N4BP3: variants seen among roughly 807,000 people sequenced by gnomAD.
The protein encoded by N4BP3 is NEDD4 binding protein 3.
A neutral mutation model predicts 43.8 loss-of-function variants in N4BP3; 33 were observed. The ratio of observed to expected loss-of-function variants is 0.75; its 90% confidence interval spans 0.57 to 1.01. The LOEUF (loss-of-function observed/expected upper bound fraction) is 1.01. Ranked by LOEUF, N4BP3 falls within the 50% of genes least tolerant of loss-of-function variation. The probability of loss-of-function intolerance (pLI) is 0.00; values close to 1 mark genes in which losing one functional copy is unlikely to be tolerated. For missense variants in N4BP3, 756 were observed against 744.2 expected (o/e 1.02, Z -0.18); for synonymous variants, 326 against 321.9 (o/e 1.01, Z -0.14).
chr5:178,121,237 G>C lies in N4BP3; in HGVS notation c.992G>C (p.Arg331Pro). The change falls in exon 4 of 5, where the codon CGG (arginine) becomes CCG (proline). Residue 331 changes from arginine to proline, a missense_variant. Physicochemically the swap from Arg to Pro is moderately radical, Grantham distance 103. Transcript: ENST00000274605. ...CTGTTTATGGCTCAGCAGGAGCAGC[G>C]GCGCCTGCGCAAGGAGCTGCGGGCT... Reference protein sequence around the residue: ...LQLFMAQQEQRRLRKELRAQQ... With the variant: ...LQLFMAQQEQPRLRKELRAQQ... 2 of 1,604,056 alleles carry C rather than the reference G, an allele frequency of 1.2e-6. No homozygotes were observed. Among genetic ancestry groups the C allele is most frequent in the Middle Eastern group, 1.7e-4 (1 of 5,840 alleles).
intron 1 of N4BP3, among the ~76,000 whole-genome samples, chr5:178,117,923 C>T (rs946686065): frequency 3.9e-5 from 6 of 152,114 alleles, no homozygotes; most frequent in South Asian, 2.1e-4. Flanking sequence ...TCCACAAACA[C>T]AAAACCTGGA....
chr5:178,126,425 G>A (rs907446926), downstream of N4BP3, among the ~76,000 whole-genome samples: 5 of 151,942 alleles, frequency 3.3e-5, no homozygotes, highest in African/African-American at 1.2e-4. Flanking sequence ...TGATCCACCC[G>A]CCTCAGCCTC....
rs1204974179 is a variant in N4BP3, at chr5:178,124,295, G to C, written c.*2294G>C. ...CTTGGCAGCTGTGCCAGAAACCAAA[G>C]CCAGGCCCAGATGTAGGGGGAGGGC... On this transcript the variant is annotated 3_prime_UTR_variant, in exon 5 of 5. Coordinates refer to ENST00000274605, the MANE Select transcript of N4BP3 (RefSeq NM_015111.2). 2.0e-5 allele frequency: 3 copies of C among 152,870 alleles called. No homozygotes were observed. Among genetic ancestry groups the C allele is most frequent in the Non-Finnish European group, 4.4e-5 (3 of 68,236 alleles). The allele number at this position is 152,870 out of a possible 1,614,324, so 9.5% of individuals were successfully genotyped here. A position where few individuals can be genotyped will look rare whatever the true frequency, so the allele number is the denominator to read the frequency against.
At position 178,124,383 on chromosome 5, in the gene N4BP3, G is replaced by A. The variant is rs1403255787; in HGVS notation, c.*2382G>A. On this transcript the variant is annotated 3_prime_UTR_variant, in exon 5 of 5. Transcript: ENST00000274605. ...GGATCCCCGTCAGCTCATCCAGGCT[G>A]GACAAACCAGTTCCTGGGTCCCCCA... 2 of 152,652 alleles carry A rather than the reference G, an allele frequency of 1.3e-5. No individual in the cohort carries two copies. Among genetic ancestry groups the A allele is most frequent in the African/African-American group, 2.4e-5 (1 of 41,448 alleles). The allele number at this position is 152,652 out of a possible 1,614,324, so 9.5% of individuals were successfully genotyped here.
intron 1 of N4BP3, among the ~76,000 whole-genome samples, chr5:178,117,910 T>A (rs1757810159): frequency 6.6e-6 from 1 of 152,096 alleles, no homozygotes; most frequent in Admixed American, 6.6e-5. Flanking sequence ...GAGAGCTTTG[T>A]CTTCCACAAA....
intron 1 of N4BP3, among the ~76,000 whole-genome samples, chr5:178,114,139 GC>G: frequency 6.6e-6 from 1 of 152,136 alleles, no homozygotes; most frequent in Non-Finnish European, 1.5e-5. Flanking sequence ...CTCGGCCTCC[GC>G]CCCCCGGCCC....
In N4BP3 at chr5:178,120,460, C is replaced by T. The variant is rs755478176; in HGVS notation, c.613C>T (p.Pro205Ser). The part of the protein sequence containing the change: ...GSFGRSPGTG[P>S]SPFSSSLGHL... ...TTTTGGTCGCAGTCCTGGTACTGGC[C>T]CTAGCCCCTTCAGCTCCTCCCTTGG... The change falls in exon 3 of 5, where the codon CCT becomes TCT. Residue 205 changes from proline to serine, a missense_variant. By Grantham distance (74) the Pro-to-Ser change is moderately conservative (BLOSUM62 -1). Coordinates refer to ENST00000274605, the MANE Select transcript of N4BP3 (RefSeq NM_015111.2). The T allele has an allele frequency of 3.7e-6, 6 of 1,612,972 alleles. No individual in the cohort carries two copies. The African/African-American group carries it at 4.0e-5, about 11-fold the overall frequency.
rs562973623 is a variant in N4BP3, at chr5:178,124,432, A to G, written c.*2431A>G. 1.0e-4 allele frequency: 16 copies of G among 152,460 alleles called. No homozygotes were observed. The highest frequency in any genetic ancestry group is 3.8e-4 in the African/African-American group (16 of 41,564). 9.4% of individuals were successfully genotyped at this position (152,460 alleles called of 1,614,324 possible). A position where few individuals can be genotyped will look rare whatever the true frequency, so the allele number is the denominator to read the frequency against. On this transcript the variant is annotated 3_prime_UTR_variant, in exon 5 of 5. Coordinates refer to ENST00000274605, the MANE Select transcript of N4BP3 (RefSeq NM_015111.2). ...CAGCCGGCTGGGTGGCTCTGGGGCC[A>G]ACCGACCACAGGTGTCACTGATCAC...
chr5:178,126,812 T>C (rs1391739622), downstream of N4BP3, among the ~76,000 whole-genome samples: 1 of 152,192 alleles, frequency 6.6e-6, no homozygotes, highest in Non-Finnish European at 1.5e-5. Context: ...CTGGGCTGCT[T>C]GAGAGGTTTT....
At chr5:178,116,731 G>T (rs1757781401) in intron 1 of N4BP3, among the ~76,000 whole-genome samples, 1 of 152,172 alleles carries the variant, frequency 6.6e-6, no homozygotes, top group Non-Finnish European at 1.5e-5. Flanking sequence ...CCCTGGACCT[G>T]CGATGCCTCG....
chr5:178,116,685 G>A (rs1360140002), intron 1 of N4BP3, among the ~76,000 whole-genome samples: 2 of 152,202 alleles, frequency 1.3e-5, no homozygotes. Context: ...TGTATGCGCT[G>A]TTGCGGCCGG....
intron 1 of N4BP3, among the ~76,000 whole-genome samples, chr5:178,117,878 G>A (rs976427524): frequency 6.6e-6 from 1 of 152,092 alleles, no homozygotes; most frequent in African/African-American, 2.4e-5. Flanking sequence ...AGGCTGTGGG[G>A]TTGGGGCAGG....
At position 178,121,789 on chromosome 5, in the gene N4BP3, G is replaced by A. The variant is rs1463538405; in HGVS notation, c.1423G>A (p.Glu475Lys). ...AEQLRAELLQ[E>K]RLRGQEQALR... is the part of the protein sequence containing the mutation. ...GCAGCTGCGGGCTGAGCTGCTGCAG[G>A]AGCGACTTCGGGGCCAGGAGCAGGC... The change falls in exon 5 of 5, where the codon GAG (glutamate) becomes AAG (lysine). Residue 475 changes from glutamate (E) to lysine (K), a missense_variant. Physicochemically the swap from Glu to Lys is moderately conservative, Grantham distance 56. Coordinates refer to ENST00000274605, the MANE Select transcript of N4BP3 (RefSeq NM_015111.2). The A allele has an allele frequency of 3.7e-6, 6 of 1,608,650 alleles. No homozygotes were observed. Among genetic ancestry groups the A allele is most frequent in the Non-Finnish European group, 4.2e-6 (5 of 1,179,568 alleles).
At position 178,119,651 on chromosome 5, in the gene N4BP3, A is replaced by G. The variant is rs1405489401; in HGVS notation, c.68A>G (p.Asp23Gly). ...GTGGGCAGCCTGTTGGAACGGCAGG[A>G]CTTCTCCCCTGAAGAGCTGCGGGCG... Reference protein sequence around the residue: ...GSVGSLLERQDFSPEELRAAL... With the variant: ...GSVGSLLERQGFSPEELRAAL... Residue 23 changes from aspartate to glycine, a missense_variant, in exon 2 of 5, where the codon GAC becomes GGC. Physicochemically the swap from Asp to Gly is moderately conservative, Grantham distance 94 (BLOSUM62 -1). Coordinates refer to ENST00000274605, the MANE Select transcript of N4BP3 (RefSeq NM_015111.2). 6 of 1,597,630 alleles carry G rather than the reference A, an allele frequency of 3.8e-6. No homozygotes were observed. Among genetic ancestry groups the G allele is most frequent in the Non-Finnish European group, 4.3e-6 (5 of 1,171,886 alleles).
chr5:178,119,031 A>T (rs1352299938), intron 1 of N4BP3, among the ~76,000 whole-genome samples: 1 of 151,898 alleles, frequency 6.6e-6, no homozygotes, highest in Non-Finnish European at 1.5e-5. Flanking sequence ...ATGCCCGGCT[A>T]GTTTTTGTAT....
downstream of N4BP3, among the ~76,000 whole-genome samples, chr5:178,126,732 G>A (rs1027366964): frequency 8.5e-5 from 13 of 152,128 alleles, no homozygotes; most frequent in African/African-American, 2.9e-4. Context: ...CCTTTCCCTA[G>A]CATCTCATAA....
In N4BP3 at chr5:178,120,339, C is replaced by T; in HGVS notation, c.492C>T (p.Ala164=). Residue 164 remains alanine (A), a synonymous_variant, in exon 3 of 5, where the codon GCC becomes GCT. Transcript: ENST00000274605. ...CHPPLSPGPR[A]SQARAQLLHA... Reference sequence around the variant, plus strand: ...CGCCCCTGAGCCCCGGGCCCCGGGCCAGCCAGGCCCGGGCACAGCTGCTGC... The same window carrying T: ...CGCCCCTGAGCCCCGGGCCCCGGGCTAGCCAGGCCCGGGCACAGCTGCTGC... The T allele has an allele frequency of 6.2e-7, 1 of 1,607,190 alleles. No individual in the cohort carries two copies. Among genetic ancestry groups the T allele is most frequent in the Non-Finnish European group, 8.5e-7 (1 of 1,176,034 alleles).
chr5:178,116,752 G>C (rs1048427583), intron 1 of N4BP3, among the ~76,000 whole-genome samples: 1 of 152,170 alleles, frequency 6.6e-6, no homozygotes, highest in African/African-American at 2.4e-5. Flanking sequence ...TGGGGAACCT[G>C]GGGGTCGGTT....
At position 178,121,322 on chromosome 5, in the gene N4BP3, T is replaced by G; in HGVS notation, c.1077T>G (p.Ser359Arg). Reference protein sequence around the residue: ...APGTLPEADPSARPEEEARWE... With the variant: ...APGTLPEADPRARPEEEARWE... ...GCACCCTCCCAGAGGCTGACCCCAG[T>G]GCACGACCAGAGGAGGAAGCCCGAT... Residue 359 changes from serine (S) to arginine (R), a missense_variant, in exon 4 of 5, where the codon AGT becomes AGG. Transcript: ENST00000274605. 2 of 1,603,462 alleles carry G rather than the reference T, an allele frequency of 1.2e-6. No individual in the cohort carries two copies. Among genetic ancestry groups the G allele is most frequent in the Non-Finnish European group, 1.7e-6 (2 of 1,173,628 alleles).
Sources: gnomAD v4.1 joint callset for allele counts (sites outside exome capture counted in the v4.1 genomes callset) on GRCh38, gnomAD v4.1.1 for gene constraint, MANE v1.5 for transcripts, NCBI Gene and HGNC (gene_info 2026-07-23, HGNC 2026-07-21) for gene names.